Variants in TTC29 observed in about 807,000 individuals in gnomAD.
The protein encoded by TTC29 is tetratricopeptide repeat domain 29.
TTC29 carries 49 observed loss-of-function variants against 58.1 expected under a neutral mutation model. That is an observed-to-expected ratio of 0.84 (90% CI 0.67 to 1.07). The LOEUF is 1.07. TTC29 is among the 50% of genes least tolerant of loss of function. The pLI is 0.00. For synonymous variants in TTC29, 209 were observed against 196.8 expected, an observed-to-expected ratio of 1.06 and a Z score of -0.52; for missense variants, 582 against 555.6, an observed-to-expected ratio of 1.05 and a Z score of -0.48.
At chr4:146,831,838 G>T in intron 9 of TTC29, 1 of 338,002 alleles carries the variant, frequency 3.0e-6, no homozygotes. Flanking sequence ...AGTAACCAAA[G>T]GGGCATTTCA....
chr4:146,911,307 G>A (rs1431289932), intron 4 of TTC29, among the ~76,000 whole-genome samples: 1 of 152,132 alleles, frequency 6.6e-6, no homozygotes, highest in African/African-American at 2.4e-5. Flanking sequence ...AATGTCATCT[G>A]GCCATAGCAA....
intron 11 of TTC29, among the ~76,000 whole-genome samples, chr4:146,719,189 G>GGTGTGTGTGTGTGT: frequency 6.9e-6 from 1 of 144,180 alleles, no homozygotes; most frequent in South Asian, 2.3e-4. Context: ...TGGCTATTGG[G>GGTGTGTGTGTGTGT]GTGTGTGTGT....
chr4:146,907,575 T>C lies in TTC29; in HGVS notation c.400+1451A>G, dbSNP rs182787089. Among the ~76,000 whole-genome samples the C allele has an allele frequency of 4.1e-4, 62 of 152,358 alleles. 1 individual carries two copies. Among genetic ancestry groups the C allele is most frequent in the Non-Finnish European group, 1.8e-4 (12 of 68,038 alleles). On this transcript the variant is annotated intron_variant, in intron 5 of 12. Coordinates refer to ENST00000325106, the MANE Select transcript of TTC29 (RefSeq NM_031956.4). Reference sequence around the variant, plus strand: ...GCGCAATGGAGCAATCTCAGCTCACTGCAACTTTTGTCTCTCGGGTTCAAG... The same window carrying C: ...GCGCAATGGAGCAATCTCAGCTCACCGCAACTTTTGTCTCTCGGGTTCAAG...
chr4:146,809,797 C>T lies in TTC29; in HGVS notation c.1102-6112G>A, dbSNP rs982754547. 7.3e-5 allele frequency among the ~76,000 whole-genome samples: 11 copies of T among 149,880 alleles called. 1 individual carries two copies. The highest frequency in any genetic ancestry group is 2.1e-4 in the South Asian group (1 of 4,708). On this transcript the variant is annotated intron_variant, in intron 10 of 12. Transcript: ENST00000325106. ...CGGAGAGAATGTGGAGAAATAGAAA[C>T]GTTTTTATCCGTTGGTGGGCGTGTA...
At chr4:146,898,789 C>T (rs932980747) in intron 6 of TTC29, among the ~76,000 whole-genome samples, 3 of 152,150 alleles carry the variant, frequency 2.0e-5, no homozygotes, top group Non-Finnish European at 4.4e-5. Flanking sequence ...GGAGATGATA[C>T]TTACAAGCCA....
At chr4:146,727,285 T>C (rs78636355) in intron 11 of TTC29, among the ~76,000 whole-genome samples, 5,499 of 152,242 alleles carry the variant, frequency 0.036, 304 homozygotes, top group East Asian at 0.13. Flanking sequence ...GCACAGTCTC[T>C]CCCACTTTGA....
At chr4:146,785,178 GT>G (rs1748918125) in intron 11 of TTC29, among the ~76,000 whole-genome samples, 1 of 140,984 alleles carries the variant, frequency 7.1e-6, no homozygotes, top group African/African-American at 2.7e-5. Flanking sequence ...ATCACTGTCT[GT>G]TTATAACTTG....
chr4:146,782,036 C>T (rs1011039070), intron 11 of TTC29, among the ~76,000 whole-genome samples: 1 of 151,636 alleles, frequency 6.6e-6, no homozygotes, highest in African/African-American at 2.4e-5. Flanking sequence ...AAAAAGAATA[C>T]CAGCTATAAA....
intron 11 of TTC29, among the ~76,000 whole-genome samples, chr4:146,737,851 CT>C (rs931924603): frequency 2.4e-4 from 37 of 152,122 alleles, no homozygotes; most frequent in Admixed American, 9.8e-4. Flanking sequence ...TCCCTCCCCC[CT>C]GATGCAGTGG....
intron 11 of TTC29, among the ~76,000 whole-genome samples, chr4:146,716,896 T>C (rs1409643070): frequency 3.9e-5 from 6 of 152,094 alleles, no homozygotes; most frequent in African/African-American, 1.4e-4. Context: ...TTGAAAGAAG[T>C]CACCAGTTTC....
chr4:146,940,505 C>G (rs1736279040), intron 2 of TTC29, among the ~76,000 whole-genome samples: 1 of 152,186 alleles, frequency 6.6e-6, no homozygotes, highest in African/African-American at 2.4e-5. Context: ...TCACACTTTA[C>G]ATGGTTCAGG....
intron 11 of TTC29, among the ~76,000 whole-genome samples, chr4:146,757,161 T>A (rs1037677994): frequency 4.6e-5 from 7 of 152,092 alleles, no homozygotes; most frequent in Non-Finnish European, 8.8e-5. Flanking sequence ...TTGAGTAGGA[T>A]CTGTCAGAGG....
intron 7 of TTC29, among the ~76,000 whole-genome samples, chr4:146,873,437 G>C (rs1197294045): frequency 6.6e-6 from 1 of 152,192 alleles, no homozygotes. Context: ...TGGTAAGAGA[G>C]AGATATTTTT....
intron 10 of TTC29, among the ~76,000 whole-genome samples, chr4:146,805,944 A>C (rs1750583072): frequency 6.6e-6 from 1 of 152,124 alleles, no homozygotes; most frequent in African/African-American, 2.4e-5. Context: ...AGATTCACCG[A>C]GGTTAAAATG....
chr4:146,913,659 C>T (rs908200731), intron 4 of TTC29, among the ~76,000 whole-genome samples: 4 of 152,116 alleles, frequency 2.6e-5, no homozygotes, highest in African/African-American at 9.7e-5. Context: ...CTCGTAGTTC[C>T]TGCTAACTAC....
intron 6 of TTC29, among the ~76,000 whole-genome samples, chr4:146,881,605 T>C (rs1300985491): frequency 1.3e-5 from 2 of 152,112 alleles, no homozygotes; most frequent in Non-Finnish European, 2.9e-5. Context: ...CAAAAGACAC[T>C]GCTTTCCATT....
At chr4:146,937,868 G>A (rs1030453772) in intron 3 of TTC29, among the ~76,000 whole-genome samples, 191 bp from the exon 4 acceptor site, 4 of 152,076 alleles carry the variant, frequency 2.6e-5, no homozygotes, top group Non-Finnish European at 5.9e-5. Context: ...AAAATGATAA[G>A]GAAGAATATT....
intron 6 of TTC29, among the ~76,000 whole-genome samples, chr4:146,894,932 A>G (rs1227979059): frequency 6.6e-6 from 1 of 152,114 alleles, no homozygotes; most frequent in African/African-American, 2.4e-5. Flanking sequence ...TACTGTACAG[A>G]TCATCCCATA....
At chr4:146,768,300 G>A (rs535597373) in intron 11 of TTC29, among the ~76,000 whole-genome samples, 1 of 152,002 alleles carries the variant, frequency 6.6e-6, no homozygotes, top group Admixed American at 6.6e-5. Context: ...GATGAGGAAG[G>A]GGACCCTGCT....
Sources: gnomAD v4.1 joint callset for allele counts (sites outside exome capture counted in the v4.1 genomes callset) on GRCh38, gnomAD v4.1.1 for gene constraint, MANE v1.5 for transcripts, NCBI Gene and HGNC (gene_info 2026-07-23, HGNC 2026-07-21) for gene names.